The following SVIL variants were observed in gnomAD, a reference collection of about 807,000 sequenced individuals.
SVIL encodes the protein supervillin.
In SVIL, 101 loss-of-function variants were observed where a neutral mutation model predicts 240.4. The ratio of observed to expected loss-of-function variants is 0.42; its 90% CI spans 0.36 to 0.50. SVIL has a LOEUF of 0.50. Among genes scored for constraint, SVIL ranks in the 20% least tolerant of loss-of-function variants. The probability of loss-of-function intolerance (pLI) is 0.01; values close to 1 mark genes in which losing one functional copy is unlikely to be tolerated. For synonymous variants in SVIL, 999 were observed against 1,100.0 expected (o/e 0.91, Z 1.82); for missense variants, 2,512 against 2,818.7 (o/e 0.89, Z 2.46).
chr10:29,558,953 T>C (rs1018742061), intron 3 of SVIL, among the ~76,000 whole-genome samples: 2 of 147,706 alleles, frequency 1.4e-5, no homozygotes, highest in Admixed American at 1.4e-4. Context: ...ATATAAAAAA[T>C]ATGGTTTATA....
intron 29 of SVIL, among the ~76,000 whole-genome samples, chr10:29,478,172 A>G (rs1329457005): frequency 1.3e-5 from 2 of 152,226 alleles, no homozygotes; most frequent in Non-Finnish European, 2.9e-5. Context: ...ATTCCCTATT[A>G]TTATTGTCTT....
chr10:29,514,583 T>A (rs1362648455), intron 16 of SVIL, among the ~76,000 whole-genome samples: 2 of 152,182 alleles, frequency 1.3e-5, no homozygotes, highest in Non-Finnish European at 2.9e-5. Flanking sequence ...GTGCTTGCTA[T>A]GTTGCCCAGG....
At chr10:29,729,833 CAAAAAAAAAAAAA>C (rs71023507) in intron 1 of SVIL, among the ~76,000 whole-genome samples, 35 of 32,524 alleles carry the variant, frequency 1.1e-3, no homozygotes, top group African/African-American at 4.8e-3. Flanking sequence ...GACTCCATCT[CAAAAAAAAAAAAA>C]AAAAAAAAAA....
intron 3 of SVIL, among the ~76,000 whole-genome samples, chr10:29,642,580 A>G (rs1179027905): frequency 6.6e-6 from 1 of 152,192 alleles, no homozygotes; most frequent in African/African-American, 2.4e-5. Flanking sequence ...ACTCCATGAC[A>G]TTTTCATATT....
At chr10:29,539,236 A>C (rs1336819191) in intron 6 of SVIL, among the ~76,000 whole-genome samples, 2 of 152,252 alleles carry the variant, frequency 1.3e-5, no homozygotes, top group Non-Finnish European at 2.9e-5. Context: ...CCTAGGACAT[A>C]ATAAGCCTTT....
intron 18 of SVIL, among the ~76,000 whole-genome samples, chr10:29,496,859 C>T (rs973779348): frequency 1.6e-4 from 25 of 152,122 alleles, no homozygotes; most frequent in Admixed American, 5.2e-4. Context: ...GAAACCAAAG[C>T]GGAAAGTCAT....
intron 1 of SVIL, among the ~76,000 whole-genome samples, chr10:29,700,102 A>C (rs1311247711): frequency 6.6e-6 from 1 of 152,248 alleles, no homozygotes; most frequent in Non-Finnish European, 1.5e-5. Context: ...CACCTAAAAT[A>C]AGGATGGGTT....
intron 1 of SVIL, among the ~76,000 whole-genome samples, chr10:29,605,677 C>T (rs1362714422): frequency 6.8e-6 from 1 of 147,462 alleles, no homozygotes; most frequent in Non-Finnish European, 1.5e-5. Flanking sequence ...TGGGTTTTTT[C>T]CCCTTAGTGG....
intron 21 of SVIL, among the ~76,000 whole-genome samples, chr10:29,492,684 C>A (rs1948085061): frequency 6.6e-6 from 1 of 152,084 alleles, no homozygotes; most frequent in African/African-American, 2.4e-5. Flanking sequence ...AGTCATGTTC[C>A]CCTGGGAAGA....
intron 28 of SVIL, among the ~76,000 whole-genome samples, chr10:29,481,262 A>G (rs777787266): frequency 1.3e-5 from 2 of 151,568 alleles, no homozygotes; most frequent in African/African-American, 2.4e-5. Flanking sequence ...GTGTTGATAC[A>G]TGCATCTGTT....
intron 17 of SVIL, among the ~76,000 whole-genome samples, chr10:29,511,089 C>G (rs1949798396): frequency 7.6e-6 from 1 of 131,894 alleles, no homozygotes; most frequent in Non-Finnish European, 1.6e-5. Context: ...GCAGCATTTC[C>G]CATTCCAGCC....
chr10:29,643,418 A>T (rs958576662), intron 3 of SVIL, among the ~76,000 whole-genome samples: 1 of 152,172 alleles, frequency 6.6e-6, no homozygotes, highest in Non-Finnish European at 1.5e-5. Context: ...CAGACTTGGA[A>T]TCATTTCCTT....
chr10:29,523,092 G>C (rs1950667781), intron 15 of SVIL, among the ~76,000 whole-genome samples: 2 of 152,172 alleles, frequency 1.3e-5, no homozygotes, highest in African/African-American at 2.4e-5. Context: ...GCGATTCAGA[G>C]ACTGGGGTCA....
At chr10:29,720,633 G>C (rs1963914293) in intron 1 of SVIL, among the ~76,000 whole-genome samples, 1 of 152,132 alleles carries the variant, frequency 6.6e-6, no homozygotes, top group African/African-American at 2.4e-5. Flanking sequence ...ATACATAAGA[G>C]CTTTCTCCTT....
upstream of SVIL, among the ~76,000 whole-genome samples, chr10:29,636,227 C>T (rs937174985): frequency 5.9e-5 from 9 of 151,998 alleles, no homozygotes; most frequent in African/African-American, 2.2e-4. Flanking sequence ...GCTTTTTCCT[C>T]ATTTTAAAGT....
rs563742863 is a variant in SVIL, at chr10:29,535,879, G to A, written c.908+110C>T. 2.2e-5 allele frequency: 24 copies of A among 1,076,580 alleles called. No homozygotes were observed. In the East Asian group the frequency reaches 5.8e-4, roughly 26 times the overall value. 66.7% of individuals were successfully genotyped at this position (1,076,580 alleles called of 1,614,324 possible). A position where few individuals can be genotyped will look rare whatever the true frequency, so the allele number is the denominator to read the frequency against. On this transcript the variant is annotated intron_variant, in intron 7 of 37. Transcript: ENST00000355867. Reference sequence around the variant, plus strand: ...AGTAACTTCCACGTGATTTTCAAGTGCACTGGTATTAAAGAAGGCAAGAGG... The same window carrying A: ...AGTAACTTCCACGTGATTTTCAAGTACACTGGTATTAAAGAAGGCAAGAGG...
chr10:29,578,459 T>G (rs1372098892), intron 1 of SVIL, among the ~76,000 whole-genome samples: 1 of 152,228 alleles, frequency 6.6e-6, no homozygotes, highest in Non-Finnish European at 1.5e-5. Flanking sequence ...TTTTCTTGGC[T>G]GTAAATTGAG....
chr10:29,650,633 A>G lies in SVIL; in HGVS notation c.-201+7336T>C, dbSNP rs147633875. Among the ~76,000 whole-genome samples, 51 of 152,304 alleles carry G rather than the reference A, an allele frequency of 3.3e-4. 1 individual carries two copies. In the East Asian group the frequency reaches 9.8e-3, roughly 29 times the overall value. On this transcript the variant is annotated intron_variant, in intron 3 of 35. Transcript: ENST00000375400. Reference sequence around the variant, plus strand: ...ATATGAACAGTTAGGACTGTGTTTCATAAAGACTTTCACTACAAAAAAAAG... The same window carrying G: ...ATATGAACAGTTAGGACTGTGTTTCGTAAAGACTTTCACTACAAAAAAAAG...
At chr10:29,503,728 C>G (rs925605171) in intron 17 of SVIL, among the ~76,000 whole-genome samples, 10 of 152,162 alleles carry the variant, frequency 6.6e-5, no homozygotes, top group Non-Finnish European at 1.0e-4. Context: ...GAGATATATT[C>G]CATGTTCATG....
Sources: gnomAD v4.1 joint callset for allele counts (sites outside exome capture counted in the v4.1 genomes callset) on GRCh38, gnomAD v4.1.1 for gene constraint, MANE v1.5 for transcripts, NCBI Gene and HGNC (gene_info 2026-07-23, HGNC 2026-07-21) for gene names.